CNTNAP5: variants seen among roughly 807,000 people sequenced by gnomAD.
CNTNAP5 encodes contactin-associated protein-like 5.
Under a neutral mutation model 150.2 loss-of-function variants are expected in CNTNAP5, and 72 were observed. The ratio of observed to expected loss-of-function variants is 0.48; its 90% CI spans 0.40 to 0.58. The LOEUF is 0.58. Among genes scored for constraint, CNTNAP5 ranks in the 20% least tolerant of loss-of-function variants. The pLI is 0.00. For synonymous variants in CNTNAP5, 672 were observed against 619.8 expected, an observed-to-expected ratio of 1.08 and a Z score of -1.25; for missense variants, 1,636 against 1,626.2, an observed-to-expected ratio of 1.01 and a Z score of -0.10.
chr2:124,130,387 C>T (rs1223522390), intron 1 of CNTNAP5, among the ~76,000 whole-genome samples: 2 of 152,038 alleles, frequency 1.3e-5, no homozygotes, highest in Non-Finnish European at 1.5e-5. Flanking sequence ...TCCCACTGTG[C>T]TTGTTCAGTC....
At chr2:124,691,908 G>C (rs1319231621) in intron 13 of CNTNAP5, among the ~76,000 whole-genome samples, 1 of 152,132 alleles carries the variant, frequency 6.6e-6, no homozygotes, top group Admixed American at 6.6e-5. Context: ...TTCCCCATGA[G>C]CCTAGGCTGC....
intron 1 of CNTNAP5, among the ~76,000 whole-genome samples, chr2:124,068,434 C>G (rs73952587): frequency 0.014 from 2,110 of 152,252 alleles, 54 homozygotes; most frequent in African/African-American, 0.049. Context: ...GAGAATTACT[C>G]AGCCCTGAGG....
At chr2:124,124,942 T>G (rs1683651219) in intron 1 of CNTNAP5, among the ~76,000 whole-genome samples, 1 of 152,114 alleles carries the variant, frequency 6.6e-6, no homozygotes, top group Admixed American at 6.6e-5. Flanking sequence ...ACAACCAGTA[T>G]GAGCCACTGC....
rs2104965108 is a variant in CNTNAP5 at position 124,595,149 on chromosome 2, C to T, written c.1757-14652C>T. On this transcript the variant is annotated intron_variant, in intron 11 of 23. Coordinates refer to ENST00000682447, the MANE Select transcript of CNTNAP5 (RefSeq NM_001367498.1). ...TTTATTTCCTTCTCCTGCCTGATTG[C>T]CCTGGCCAGAACTTCCAGCACTATG... Among the ~76,000 whole-genome samples, 3 of 148,124 alleles carry T rather than the reference C, an allele frequency of 2.0e-5. No individual in the cohort carries two copies. In the East Asian group the frequency reaches 6.4e-4, roughly 32 times the overall value.
intron 13 of CNTNAP5, among the ~76,000 whole-genome samples, chr2:124,722,161 G>T (rs1680063576): frequency 6.6e-6 from 1 of 152,088 alleles, no homozygotes. Context: ...ACACAATTCA[G>T]TTCATAACAT....
intron 3 of CNTNAP5, among the ~76,000 whole-genome samples, chr2:124,391,912 C>T (rs889004347): frequency 1.3e-5 from 2 of 151,878 alleles, no homozygotes; most frequent in African/African-American, 2.4e-5. Context: ...GCCGAGATCG[C>T]GCCACTGCAC....
At chr2:124,423,744 A>G (rs1333941475) in intron 4 of CNTNAP5, among the ~76,000 whole-genome samples, 1 of 124,080 alleles carries the variant, frequency 8.1e-6, no homozygotes, top group Non-Finnish European at 1.6e-5. Context: ...GGCTCACTGC[A>G]AGCTCCGCCT....
chr2:124,231,951 C>G (rs2104753988), intron 2 of CNTNAP5, among the ~76,000 whole-genome samples: 1 of 149,960 alleles, frequency 6.7e-6, no homozygotes, highest in South Asian at 2.1e-4. Context: ...CACCATTTGG[C>G]ACAAAAAAAA....
intron 3 of CNTNAP5, among the ~76,000 whole-genome samples, chr2:124,392,070 G>A (rs1573962977): frequency 6.6e-6 from 1 of 152,286 alleles, no homozygotes; most frequent in African/African-American, 2.4e-5. Flanking sequence ...GCATGAATCT[G>A]GATGAAGGAC....
At chr2:124,599,107 C>A (rs999791292) in intron 11 of CNTNAP5, among the ~76,000 whole-genome samples, 1 of 152,108 alleles carries the variant, frequency 6.6e-6, no homozygotes, top group African/African-American at 2.4e-5. Flanking sequence ...CCGTCTTCTG[C>A]GTCGCTCACG....
chr2:124,361,225 A>T (rs1251142267), intron 3 of CNTNAP5, among the ~76,000 whole-genome samples: 5 of 144,360 alleles, frequency 3.5e-5, no homozygotes, highest in Non-Finnish European at 7.6e-5. Context: ...TTTTTTTCAA[A>T]GTTTTCAACT....
intron 1 of CNTNAP5, among the ~76,000 whole-genome samples, chr2:124,028,570 C>G (rs746826388): frequency 2.0e-5 from 3 of 152,116 alleles, no homozygotes; most frequent in Non-Finnish European, 4.4e-5. Context: ...TATTAAATAG[C>G]TACAATTCCT....
chr2:124,539,053 G>A (rs1695315178), intron 10 of CNTNAP5, among the ~76,000 whole-genome samples: 5 of 152,114 alleles, frequency 3.3e-5, no homozygotes, highest in Admixed American at 3.3e-4. Flanking sequence ...TTTTTCCCTG[G>A]TCCAAAAGCA....
At chr2:124,655,937 G>GAAAGAAAGAAAGAA (rs1553427772) in intron 13 of CNTNAP5, among the ~76,000 whole-genome samples, 5 of 52,396 alleles carry the variant, frequency 9.5e-5, no homozygotes, top group South Asian at 1.2e-3. Flanking sequence ...GAGAGAGAGA[G>GAAAGAAAGAAAGAA]AGAGAGAGAG....
intron 16 of CNTNAP5, among the ~76,000 whole-genome samples, chr2:124,765,921 AC>A (rs1681058803): frequency 6.6e-6 from 1 of 152,050 alleles, no homozygotes; most frequent in Non-Finnish European, 1.5e-5. Context: ...GCACTACTGC[AC>A]CCCAGCCTGG....
rs72972523 is a variant in CNTNAP5 at position 124,582,904 on chromosome 2, A to C, written c.1756+19581A>C. Among the ~76,000 whole-genome samples, 370 of 152,334 alleles carry C rather than the reference A, an allele frequency of 2.4e-3. 2 individuals carry two copies. Among genetic ancestry groups the C allele is most frequent in the African/African-American group, 8.5e-3 (354 of 41,564 alleles). On this transcript the variant is annotated intron_variant, in intron 11 of 23. Transcript: ENST00000682447. ...CTTATATGATGATTTTGTTTAAAAA[A>C]TTGCAGAAAATAAATAAGTAATTCA...
intron 11 of CNTNAP5, among the ~76,000 whole-genome samples, chr2:124,602,146 C>T (rs1159895923): frequency 2.6e-5 from 4 of 151,908 alleles, no homozygotes; most frequent in Non-Finnish European, 5.9e-5. Context: ...AGTTCGAGAC[C>T]AGCCTGGCCA....
chr2:124,459,162 G>A (rs1209379125), intron 6 of CNTNAP5, among the ~76,000 whole-genome samples: 1 of 152,152 alleles, frequency 6.6e-6, no homozygotes, highest in Non-Finnish European at 1.5e-5. Flanking sequence ...AAAAATTGCG[G>A]TCAGCCCTGC....
intron 1 of CNTNAP5, among the ~76,000 whole-genome samples, chr2:124,076,496 TGACACTTTGAA>T (rs1224576518): frequency 6.6e-6 from 1 of 152,198 alleles, no homozygotes; most frequent in Non-Finnish European, 1.5e-5. Context: ...GCAATTTGGT[TGACACTTTGAA>T]GCTTTCCTTC....
Sources: gnomAD v4.1 joint callset for allele counts (sites outside exome capture counted in the v4.1 genomes callset) on GRCh38, gnomAD v4.1.1 for gene constraint, MANE v1.5 for transcripts, NCBI Gene and HGNC (gene_info 2026-07-23, HGNC 2026-07-21) for gene names.